The following MCTP2 variants were observed in gnomAD, a reference collection of about 807,000 sequenced individuals.
The protein encoded by MCTP2 is multiple C2 and transmembrane domain containing 2.
Under a neutral mutation model 111.6 loss-of-function variants are expected in MCTP2, and 132 were observed. The observed-to-expected ratio is 1.18, with a 90% CI of 1.03 to 1.37. The LOEUF is 1.37. Among genes scored for constraint, MCTP2 ranks in the 40% most tolerant of loss-of-function variants. The probability of loss-of-function intolerance (pLI) is 0.00; values close to 1 mark genes in which losing one functional copy is unlikely to be tolerated. For missense variants in MCTP2, 1,183 were observed against 1,067.9 expected (o/e 1.11, Z -1.50); for synonymous variants, 395 against 387.7 (o/e 1.02, Z -0.22).
In MCTP2 at chr15:94,425,361, C is replaced by T. The variant is rs563427860; in HGVS notation, c.2086-14815C>T. ...GCACAGTTCTTCCCAATTTCCTTTT[C>T]TTCTTCAAGAATGTCTTGGTAAGAG... On this transcript the variant is annotated intron_variant, in intron 17 of 22. Transcript: ENST00000357742. Among the ~76,000 whole-genome samples the T allele has an allele frequency of 3.1e-4, 47 of 152,206 alleles. 2 individuals are homozygous for T. The South Asian group carries it at 8.7e-3, about 28-fold the overall frequency.
chr15:94,281,013 T>C (rs1182615217), intron 1 of MCTP2, among the ~76,000 whole-genome samples: 1 of 152,186 alleles, frequency 6.6e-6, no homozygotes, highest in Admixed American at 6.5e-5. Context: ...TTAGGGTATG[T>C]GCCACATGCA....
intron 17 of MCTP2, among the ~76,000 whole-genome samples, chr15:94,422,971 C>A (rs890982290): frequency 6.6e-6 from 1 of 152,184 alleles, no homozygotes; most frequent in Non-Finnish European, 1.5e-5. Flanking sequence ...GCTGGGATTA[C>A]AGGCTTGAGC....
At chr15:94,435,237 A>T (rs1262292826) in intron 17 of MCTP2, among the ~76,000 whole-genome samples, 1 of 152,162 alleles carries the variant, frequency 6.6e-6, no homozygotes, top group Non-Finnish European at 1.5e-5. Flanking sequence ...TCTGTAGGTC[A>T]ATTTGTGAAT....
chr15:94,250,411 G>C (rs1449642822), intron 1 of MCTP2, among the ~76,000 whole-genome samples: 2 of 152,126 alleles, frequency 1.3e-5, no homozygotes, highest in Non-Finnish European at 2.9e-5. Context: ...AAAATTTCAT[G>C]TCGTGAGCAC....
At chr15:94,464,263 A>ATATATTATATATATATATTATAT (rs2085441271) in intron 20 of MCTP2, among the ~76,000 whole-genome samples, 3 of 119,160 alleles carry the variant, frequency 2.5e-5, no homozygotes, top group East Asian at 2.3e-4. Flanking sequence ...TATATTATAT[A>ATATATTATATATATATATTATAT]TATATATATA....
chr15:94,331,678 C>T (rs890030804), intron 4 of MCTP2, among the ~76,000 whole-genome samples: 6 of 152,180 alleles, frequency 3.9e-5, no homozygotes, highest in African/African-American at 1.4e-4. Context: ...GTATATTGGT[C>T]ATTGGAAATT....
chr15:94,413,945 T>C (rs1216284249), intron 17 of MCTP2, among the ~76,000 whole-genome samples: 1 of 152,156 alleles, frequency 6.6e-6, no homozygotes, highest in Non-Finnish European at 1.5e-5. Flanking sequence ...TTATGGTTTT[T>C]TAAGTTTGAA....
At chr15:94,451,875 C>A (rs1017249206) in intron 19 of MCTP2, among the ~76,000 whole-genome samples, 2 of 152,128 alleles carry the variant, frequency 1.3e-5, no homozygotes, top group African/African-American at 4.8e-5. Flanking sequence ...AAAGGTTGTT[C>A]CTTCTTTTGT....
chr15:94,247,724 G>T (rs1039509857), intron 1 of MCTP2, among the ~76,000 whole-genome samples: 1 of 152,094 alleles, frequency 6.6e-6, no homozygotes, highest in Admixed American at 6.6e-5. Context: ...CCTTATCATA[G>T]AGCAATAAAT....
chr15:94,239,840 A>G lies in MCTP2; in HGVS notation c.-66+8176A>G, dbSNP rs148767194. 9.0e-3 allele frequency among the ~76,000 whole-genome samples: 1,376 copies of G among 152,314 alleles called. 26 individuals carry two copies. Among genetic ancestry groups the G allele is most frequent in the African/African-American group, 0.031 (1,290 of 41,550 alleles). Reference sequence around the variant, plus strand: ...ATCTGATGAATTGTTTTTAAATGTCATGAACTATTTATGTGCCCCCAAATT... The same window carrying G: ...ATCTGATGAATTGTTTTTAAATGTCGTGAACTATTTATGTGCCCCCAAATT... On this transcript the variant is annotated intron_variant, in intron 1 of 22. Transcript: ENST00000357742.
intron 2 of MCTP2, among the ~76,000 whole-genome samples, chr15:94,307,390 A>T (rs1158001328): frequency 6.6e-6 from 1 of 152,088 alleles, no homozygotes; most frequent in Non-Finnish European, 1.5e-5. Context: ...AGCTAGAGAA[A>T]AGCCTTCCAG....
At chr15:94,272,480 T>A (rs2073958705) in intron 1 of MCTP2, among the ~76,000 whole-genome samples, 1 of 152,168 alleles carries the variant, frequency 6.6e-6, no homozygotes, top group Admixed American at 6.5e-5. Context: ...AGTTATCTAA[T>A]CTGTTACTTT....
At chr15:94,395,372 T>A (rs1196682206) in intron 14 of MCTP2, among the ~76,000 whole-genome samples, 1 of 152,218 alleles carries the variant, frequency 6.6e-6, no homozygotes, top group Non-Finnish European at 1.5e-5. Context: ...ACCCTTTAGT[T>A]TGGATTTTGA....
intron 1 of MCTP2, among the ~76,000 whole-genome samples, chr15:94,241,985 C>T (rs545083179): frequency 6.6e-6 from 1 of 152,250 alleles, no homozygotes; most frequent in South Asian, 2.1e-4. Context: ...GGAGAATTAG[C>T]ACTACTCTGT....
At chr15:94,398,899 ATTTAC>A in intron 14 of MCTP2, 57 bp from the exon 15 acceptor site, 1 of 996,288 alleles carries the variant, frequency 1.0e-6, no homozygotes, top group South Asian at 1.4e-5. Context: ...AGTTTTGGTT[ATTTAC>A]TTTAAACCAC....
At chr15:94,284,429 C>T (rs998329551) in intron 1 of MCTP2, among the ~76,000 whole-genome samples, 1 of 152,108 alleles carries the variant, frequency 6.6e-6, no homozygotes. Context: ...CTTAAGTAAC[C>T]ATCTGTGGAA....
chr15:94,325,591 T>G (rs1009708004), intron 4 of MCTP2, among the ~76,000 whole-genome samples: 1 of 152,094 alleles, frequency 6.6e-6, no homozygotes, highest in Non-Finnish European at 1.5e-5. Flanking sequence ...GTGAAAGGTG[T>G]TTTCTTGAGG....
chr15:94,294,165 A>C lies in MCTP2; in HGVS notation c.-65-4036A>C, dbSNP rs142905655. On this transcript the variant is annotated intron_variant, in intron 1 of 22. Transcript: ENST00000357742. ...TAGAAAACATTCCCCGAAAGACAAAATGATAGTGATAGAGAATAGAACGGT... is the reference window on the plus strand; with the variant it reads ...TAGAAAACATTCCCCGAAAGACAAACTGATAGTGATAGAGAATAGAACGGT... 1.4e-3 allele frequency among the ~76,000 whole-genome samples: 209 copies of C among 152,310 alleles called. 3 individuals carry two copies. The East Asian group carries it at 0.026, about 19-fold the overall frequency.
intron 1 of MCTP2, among the ~76,000 whole-genome samples, chr15:94,283,556 A>G (rs777587836): frequency 1.2e-4 from 19 of 152,080 alleles, no homozygotes; most frequent in East Asian, 1.9e-4. Flanking sequence ...CTCCATGCCT[A>G]TTTCATTCAC....
Sources: gnomAD v4.1 joint callset for allele counts (sites outside exome capture counted in the v4.1 genomes callset) on GRCh38, gnomAD v4.1.1 for gene constraint, MANE v1.5 for transcripts, NCBI Gene and HGNC (gene_info 2026-07-23, HGNC 2026-07-21) for gene names.